The following CRTC1 variants were observed in gnomAD, a reference collection of about 807,000 sequenced individuals.
The protein encoded by CRTC1 is CREB-regulated transcription coactivator 1.
In CRTC1, 18 loss-of-function variants were observed where a neutral mutation model predicts 66.1. That is an observed-to-expected ratio of 0.27 (90% CI 0.19 to 0.40). The LOEUF (loss-of-function observed/expected upper bound fraction) is 0.40. Ranked by LOEUF, CRTC1 falls within the 10% of genes least tolerant of loss-of-function variation. The pLI is 1.00. For missense variants in CRTC1, 669 were observed against 887.9 expected, an observed-to-expected ratio of 0.75 and a Z score of 3.13; for synonymous variants, 416 against 398.8, an observed-to-expected ratio of 1.04 and a Z score of -0.51.
chr19:18,737,669 C>CA (rs2054027224), intron 1 of CRTC1, among the ~76,000 whole-genome samples: 1 of 152,054 alleles, frequency 6.6e-6, no homozygotes, highest in Admixed American at 6.6e-5. Context: ...CATGTCTACT[C>CA]ATACGTGGAT....
rs200281557 is a variant in CRTC1 at position 18,777,298 on chromosome 19, C to T, written c.1821C>T (p.Leu607=). The change falls in exon 14 of 14, where the codon CTC becomes CTT. Residue 607 remains leucine, a synonymous_variant. Transcript: ENST00000321949. The surrounding 1 kb of genome is among the most constrained non-coding windows in gnomAD (Gnocchi z 5.5). The part of the protein sequence containing the change: ...LDELKIDPLT[L]DGLHMLNDPD... ...AACTCAAGATCGACCCCCTGACCCT[C>T]GACGGACTGCACATGCTCAACGACC... 8.7e-6 allele frequency: 14 copies of T among 1,612,154 alleles called. No homozygotes were observed. The highest frequency in any genetic ancestry group is 4.0e-5 in the African/African-American group (3 of 75,030).
In CRTC1 at chr19:18,760,341, G is replaced by T; in HGVS notation, c.886+113G>T. ...TCCAAATACTAGGGCATGGGGGACAGGGCTGGGGGGCGGCCGACAGGCTGA... is the reference window on the plus strand; with the variant it reads ...TCCAAATACTAGGGCATGGGGGACATGGCTGGGGGGCGGCCGACAGGCTGA... On this transcript the variant is annotated intron_variant, in intron 8 of 13. Transcript: ENST00000321949. This position sits in a 1 kb window ranked among gnomAD's most constrained non-coding sequence, Gnocchi z 6.2. The T allele has an allele frequency of 1.1e-6, 1 of 925,152 alleles. No individual in the cohort carries two copies. Among genetic ancestry groups the T allele is most frequent in the Non-Finnish European group, 1.6e-6 (1 of 617,406 alleles). 57.3% of individuals were successfully genotyped at this position (925,152 alleles called of 1,614,324 possible). A position where few individuals can be genotyped will look rare whatever the true frequency, so the allele number is the denominator to read the frequency against.
chr19:18,781,645 G>A lies in CRTC1; in HGVS notation c.*4263G>A, dbSNP rs1486773404. On this transcript the variant is annotated 3_prime_UTR_variant, in exon 14 of 14. Coordinates refer to ENST00000321949, the MANE Select transcript of CRTC1 (RefSeq NM_015321.3). ...GAGGGCATGGGTGGGGCAGGAGTGA[G>A]TGCCTCGTGATCCCAGCCTCAGTTT... is the stretch of plus-strand genomic sequence containing the variant. 6 of 230,678 alleles carry A rather than the reference G, an allele frequency of 2.6e-5. No homozygotes were observed. Among genetic ancestry groups the A allele is most frequent in the Admixed American group, 5.6e-5 (1 of 17,700 alleles). 14.3% of individuals were successfully genotyped at this position (230,678 alleles called of 1,614,324 possible). A position where few individuals can be genotyped will look rare whatever the true frequency, so the allele number is the denominator to read the frequency against.
At chr19:18,731,708 G>A (rs993465086) in intron 1 of CRTC1, among the ~76,000 whole-genome samples, 3 of 152,228 alleles carry the variant, frequency 2.0e-5, no homozygotes, top group East Asian at 1.9e-4. Context: ...TCCCCAGCCC[G>A]TGAACCCCAC....
chr19:18,781,920 A>G lies in CRTC1; in HGVS notation c.*4538A>G. ...GGGGCAACCCTTGCCCAGCCCAGCC[A>G]TCAAGAACTTCTGATCTCCTGCCCA... On this transcript the variant is annotated 3_prime_UTR_variant, in exon 14 of 14. Coordinates refer to ENST00000321949, the MANE Select transcript of CRTC1 (RefSeq NM_015321.3). 4.3e-6 allele frequency: 1 copy of G among 230,374 alleles called. No homozygotes were observed. Among genetic ancestry groups the G allele is most frequent in the Non-Finnish European group, 8.6e-6 (1 of 116,214 alleles). The allele number at this position is 230,374 out of a possible 1,614,324, so 14.3% of individuals were successfully genotyped here.
chr19:18,735,403 G>C (rs962156762), intron 1 of CRTC1, among the ~76,000 whole-genome samples: 1 of 152,192 alleles, frequency 6.6e-6, no homozygotes, highest in Admixed American at 6.5e-5. Flanking sequence ...GTGACAAGGG[G>C]ACCCCCCGGG....
chr19:18,777,416 C>G lies in CRTC1; in HGVS notation c.*34C>G. 1 of 1,575,482 alleles carries G rather than the reference C, an allele frequency of 6.3e-7. No homozygotes were observed. The highest frequency in any genetic ancestry group is 8.6e-7 in the Non-Finnish European group (1 of 1,158,746). On this transcript the variant is annotated 3_prime_UTR_variant, in exon 14 of 14. Transcript: ENST00000321949. The surrounding 1 kb of genome is among the most constrained non-coding windows in gnomAD (Gnocchi z 5.5). The stretch of plus-strand genomic sequence containing the variant: ...GCCGGCACCCTGCCGCTCAGCCGTC[C>G]CGACGGCGCCTCCCCAGCCCGGGGA...
chr19:18,693,092 A>AT (rs1351319452), intron 1 of CRTC1, among the ~76,000 whole-genome samples: 1 of 148,558 alleles, frequency 6.7e-6, no homozygotes, highest in Non-Finnish European at 1.5e-5. Flanking sequence ...AAAAAAAAAA[A>AT]AAGAAATTCA....
chr19:18,750,624 C>G (rs951871147), intron 5 of CRTC1, among the ~76,000 whole-genome samples: 1 of 152,202 alleles, frequency 6.6e-6, no homozygotes, highest in Non-Finnish European at 1.5e-5. Context: ...GGGAGTTGCA[C>G]GTGCTTAGGG....
intron 1 of CRTC1, among the ~76,000 whole-genome samples, chr19:18,709,138 C>T (rs2053332465): frequency 6.6e-6 from 1 of 152,170 alleles, no homozygotes; most frequent in Admixed American, 6.5e-5. Flanking sequence ...TTGTGGAGCC[C>T]AGAGTCGCAG....
rs1179358508 is a variant in CRTC1, at chr19:18,779,279, C to G, written c.*1897C>G. 8.8e-6 allele frequency: 2 copies of G among 227,896 alleles called. No homozygotes were observed. The highest frequency in any genetic ancestry group is 1.7e-5 in the Non-Finnish European group (2 of 114,874). 14.1% of individuals were successfully genotyped at this position (227,896 alleles called of 1,614,324 possible). ...AGCAACCATCCCTTCCTCTCTTTGC[C>G]CGGCAATGCCTTTGGCATGTGTCTG... On this transcript the variant is annotated 3_prime_UTR_variant, in exon 14 of 14. Coordinates refer to ENST00000321949, the MANE Select transcript of CRTC1 (RefSeq NM_015321.3).
In CRTC1 at chr19:18,743,155, C is replaced by T. The variant is rs949100700; in HGVS notation, c.243+129C>T. The T allele has an allele frequency of 6.8e-6, 5 of 732,578 alleles. No individual in the cohort carries two copies. In the South Asian group the frequency reaches 8.3e-5, roughly 12 times the overall value. 45.4% of individuals were successfully genotyped at this position (732,578 alleles called of 1,614,324 possible). On this transcript the variant is annotated intron_variant, in intron 2 of 13. Transcript: ENST00000321949. ...GGAGCCCACCCAACCACTGCCTTCT[C>T]CTTGTCTGCCCTGGGAACCAGAGGA...
At chr19:18,765,573 G>T in intron 9 of CRTC1, 45 bp downstream of exon 9, 8 of 1,569,638 alleles carry the variant, frequency 5.1e-6, no homozygotes, top group Non-Finnish European at 6.0e-6. Context: ...GAAAGGGAAA[G>T]GTGGAGGCCT....
At chr19:18,709,066 A>G (rs10411989) in intron 1 of CRTC1, among the ~76,000 whole-genome samples, 25,354 of 152,070 alleles carry the variant, frequency 0.17, 2,395 homozygotes, top group African/African-American at 0.24. Flanking sequence ...TGGTGCTCGG[A>G]GGTGCAGGGT....
intron 1 of CRTC1, among the ~76,000 whole-genome samples, chr19:18,707,257 C>T (rs753518796): frequency 5.9e-5 from 9 of 152,086 alleles, no homozygotes; most frequent in Middle Eastern, 3.4e-3. Flanking sequence ...ATCTTTGATC[C>T]GTCTTGAGTT....
chr19:18,764,122 G>A (rs1257023488), intron 8 of CRTC1, among the ~76,000 whole-genome samples: 1 of 152,222 alleles, frequency 6.6e-6, no homozygotes, highest in African/African-American at 2.4e-5. Flanking sequence ...CCGGTGAGCA[G>A]CTGCCCTGGG....
chr19:18,740,763 G>A (rs1404437993), intron 1 of CRTC1, among the ~76,000 whole-genome samples: 1 of 152,186 alleles, frequency 6.6e-6, no homozygotes, highest in Non-Finnish European at 1.5e-5. Context: ...CAACACTTTG[G>A]GAGGCCGAGG....
chr19:18,746,915 C>G (rs2145747180), intron 3 of CRTC1, 138 bp from the exon 4 acceptor site: 18 of 713,164 alleles, frequency 2.5e-5, no homozygotes, highest in Middle Eastern at 4.0e-4. Flanking sequence ...GGAAACGCCC[C>G]CCGCCCTACT....
intron 1 of CRTC1, among the ~76,000 whole-genome samples, chr19:18,724,561 C>G (rs1346105962): frequency 6.6e-6 from 1 of 151,708 alleles, no homozygotes; most frequent in African/African-American, 2.4e-5. Flanking sequence ...CAGGGCCGAG[C>G]TTCCTCTGGA....
Sources: allele counts gnomAD v4.1 joint callset (sites outside exome capture counted in the v4.1 genomes callset), GRCh38; gene constraint gnomAD v4.1.1; non-coding constraint Gnocchi (gnomAD v3.1); transcripts MANE v1.5; gene names NCBI Gene and HGNC (gene_info 2026-07-23, HGNC 2026-07-21).